Variants in EXOC4 observed in about 807,000 individuals in gnomAD.
EXOC4 encodes exocyst complex component 4.
EXOC4 carries 71 observed loss-of-function variants against 107.2 expected under a neutral mutation model. The ratio of observed to expected loss-of-function variants is 0.66; its 90% CI spans 0.55 to 0.81. EXOC4 has a LOEUF of 0.81. EXOC4 is among the 30% of genes least tolerant of loss of function. The pLI, the probability that EXOC4 is intolerant of heterozygous loss-of-function variation, is 0.00. For missense variants in EXOC4, 1,108 were observed against 1,189.6 expected (o/e 0.93, Z 1.01); for synonymous variants, 456 against 441.2 (o/e 1.03, Z -0.42).
chr7:133,562,453 C>G (rs1243840585), intron 9 of EXOC4, among the ~76,000 whole-genome samples: 1 of 152,196 alleles, frequency 6.6e-6, no homozygotes, highest in Non-Finnish European at 1.5e-5. Flanking sequence ...TTCTCTCAAT[C>G]CCATTCATCT....
intron 10 of EXOC4, among the ~76,000 whole-genome samples, chr7:133,778,800 T>C (rs1459872527): frequency 6.6e-6 from 1 of 152,200 alleles, no homozygotes; most frequent in African/African-American, 2.4e-5. Context: ...CTCTGTTATG[T>C]CATTTTTTTT....
chr7:134,032,683 G>A (rs1200183587), intron 17 of EXOC4, among the ~76,000 whole-genome samples: 1 of 152,164 alleles, frequency 6.6e-6, no homozygotes. Flanking sequence ...TGTACTTTTA[G>A]GGGTCAGCAC....
At position 133,917,607 on chromosome 7, in the gene EXOC4, A is replaced by G. The variant is rs894005642; in HGVS notation, c.1896A>G (p.Lys632=). 2 of 1,614,014 alleles carry G rather than the reference A, an allele frequency of 1.2e-6. No homozygotes were observed. Among genetic ancestry groups the G allele is most frequent in the Non-Finnish European group, 1.7e-6 (2 of 1,179,976 alleles). Residue 632 remains lysine, a synonymous_variant, in exon 13 of 18, where the codon AAA becomes AAG. Coordinates refer to ENST00000253861, the MANE Select transcript of EXOC4 (RefSeq NM_021807.4). ...GGGGTATTGTCCAGTCAGAAGAAAA[A>G]CTTGTCATCAGTGCATCCTGGGCAA... ...AYRGIVQSEE[K]LVISASWAKD...
intron 7 of EXOC4, among the ~76,000 whole-genome samples, chr7:133,431,340 A>G (rs1563063247): frequency 6.6e-6 from 1 of 152,200 alleles, no homozygotes; most frequent in Non-Finnish European, 1.5e-5. Context: ...CAAGAAAAAA[A>G]CATTTAAATA....
At chr7:133,600,836 T>G (rs533642163) in intron 9 of EXOC4, among the ~76,000 whole-genome samples, 4 of 152,326 alleles carry the variant, frequency 2.6e-5, no homozygotes, top group African/African-American at 9.6e-5. Context: ...ATTTTTATTT[T>G]TTAACATTTC....
intron 7 of EXOC4, among the ~76,000 whole-genome samples, chr7:133,450,986 T>C (rs1022703207): frequency 6.6e-6 from 1 of 152,202 alleles, no homozygotes; most frequent in African/African-American, 2.4e-5. Flanking sequence ...GGCCAGCAAC[T>C]ATGTGGTCGT....
intron 7 of EXOC4, among the ~76,000 whole-genome samples, chr7:133,468,272 AT>A (rs2150836734): frequency 6.6e-6 from 1 of 152,304 alleles, no homozygotes; most frequent in East Asian, 1.9e-4. Flanking sequence ...TGCAACTGCC[AT>A]TGACAATGAG....
intron 17 of EXOC4, among the ~76,000 whole-genome samples, chr7:134,031,291 T>G (rs1395774595): frequency 6.6e-6 from 1 of 152,216 alleles, no homozygotes; most frequent in African/African-American, 2.4e-5. Flanking sequence ...TCAATAAAGC[T>G]GTTTTTTGAA....
intron 14 of EXOC4, among the ~76,000 whole-genome samples, chr7:133,945,349 A>T (rs144547871): frequency 6.6e-6 from 1 of 152,186 alleles, no homozygotes; most frequent in Non-Finnish European, 1.5e-5. Flanking sequence ...GTCACTCTCT[A>T]TATTTGGGAA....
intron 13 of EXOC4, among the ~76,000 whole-genome samples, chr7:133,931,624 C>T (rs1035651462): frequency 1.2e-4 from 19 of 152,110 alleles, no homozygotes; most frequent in African/African-American, 4.6e-4. Flanking sequence ...TTCTCATACA[C>T]GTTATATAGA....
chr7:133,718,021 A>G (rs535110797), intron 10 of EXOC4, among the ~76,000 whole-genome samples: 2 of 152,262 alleles, frequency 1.3e-5, no homozygotes, highest in Admixed American at 1.3e-4. Context: ...GCACTGTCAT[A>G]TAGGTGGTGA....
intron 5 of EXOC4, among the ~76,000 whole-genome samples, chr7:133,355,366 A>G (rs1349852237): frequency 6.6e-6 from 1 of 152,134 alleles, no homozygotes; most frequent in Non-Finnish European, 1.5e-5. Flanking sequence ...TAATCCAGCC[A>G]TTTGTAAAAT....
downstream of EXOC4, among the ~76,000 whole-genome samples, chr7:134,070,088 A>T (rs924077184): frequency 2.6e-5 from 4 of 152,228 alleles, no homozygotes; most frequent in African/African-American, 9.6e-5. Context: ...CCTACACCTG[A>T]GAGCGATTGT....
chr7:133,523,806 G>C (rs2150913089), intron 9 of EXOC4, among the ~76,000 whole-genome samples: 1 of 152,236 alleles, frequency 6.6e-6, no homozygotes, highest in East Asian at 1.9e-4. Context: ...GTATTCCATG[G>C]TGTATATGTG....
At chr7:133,952,295 T>A (rs1385838945) in intron 14 of EXOC4, among the ~76,000 whole-genome samples, 1 of 152,238 alleles carries the variant, frequency 6.6e-6, no homozygotes, top group Non-Finnish European at 1.5e-5. Context: ...GGAATGATTC[T>A]GTCTGTATTG....
chr7:133,498,606 CAAAA>C (rs1323547131), intron 9 of EXOC4, among the ~76,000 whole-genome samples: 1 of 151,850 alleles, frequency 6.6e-6, no homozygotes, highest in Non-Finnish European at 1.5e-5. Context: ...AACAAACAAA[CAAAA>C]ATAAAATGTC....
chr7:134,041,877 T>C (rs1395017442), intron 17 of EXOC4, among the ~76,000 whole-genome samples: 1 of 152,208 alleles, frequency 6.6e-6, no homozygotes, highest in African/African-American at 2.4e-5. Flanking sequence ...CTTTGTGCAG[T>C]CCAACAACAG....
chr7:133,737,357 A>C (rs934265546), intron 10 of EXOC4, among the ~76,000 whole-genome samples: 8 of 151,706 alleles, frequency 5.3e-5, no homozygotes, highest in African/African-American at 1.9e-4. Flanking sequence ...TCTATGCTGC[A>C]GCTAAACTGG....
intron 10 of EXOC4, among the ~76,000 whole-genome samples, chr7:133,813,829 A>G (rs1178416574): frequency 1.3e-5 from 2 of 152,084 alleles, no homozygotes; most frequent in Non-Finnish European, 2.9e-5. Flanking sequence ...ATAATCCTAT[A>G]TATACACCAT....
Sources: gnomAD v4.1 joint callset for allele counts (sites outside exome capture counted in the v4.1 genomes callset) on GRCh38, gnomAD v4.1.1 for gene constraint, MANE v1.5 for transcripts, NCBI Gene and HGNC (gene_info 2026-07-23, HGNC 2026-07-21) for gene names.